LINGO2: variants seen among roughly 807,000 people sequenced by gnomAD.
LINGO2 encodes the protein leucine-rich repeat and immunoglobulin-like domain-containing nogo receptor-interacting protein 2.
LINGO2 carries 14 observed loss-of-function variants against 30.6 expected under a neutral mutation model. That is an observed-to-expected ratio of 0.46 (90% CI 0.30 to 0.72). The LOEUF is 0.72. Ranked by LOEUF, LINGO2 falls within the 30% of genes least tolerant of loss-of-function variation. LINGO2 has a pLI of 0.07. For missense variants in LINGO2, 729 were observed against 751.7 expected (o/e 0.97, Z 0.35); for synonymous variants, 317 against 288.5 (o/e 1.10, Z -1.00).
rs1004923572 is a variant in LINGO2, at chr9:28,129,993, T to C, written c.-86-117588A>G. ...TCCAGTAACTTCTATTTTAGTAGAC[T>C]TTTTTCCTCTAAAATTCAAGAAGCC... On this transcript the variant is annotated intron_variant, in intron 4 of 5. Coordinates refer to ENST00000379992, the Ensembl canonical transcript of LINGO2. The surrounding 1 kb of genome is among the most constrained non-coding windows in gnomAD (Gnocchi z 4.0). Among the ~76,000 whole-genome samples, 9 of 152,222 alleles carry C rather than the reference T, an allele frequency of 5.9e-5. No homozygotes were observed. The highest frequency in any genetic ancestry group is 2.2e-4 in the African/African-American group (9 of 41,460).
At chr9:28,512,636 T>TATATAC (rs1443255782) in intron 1 of LINGO2, among the ~76,000 whole-genome samples, 1 of 6,176 alleles carries the variant, frequency 1.6e-4, no homozygotes, top group Non-Finnish European at 4.5e-4. Context: ...TATATATATA[T>TATATAC]ACACACATAC....
chr9:29,022,087 T>G, the LINGO2 span, among the ~76,000 whole-genome samples: 1 of 152,202 alleles, frequency 6.6e-6, no homozygotes, highest in Non-Finnish European at 1.5e-5. Flanking sequence ...TTACTAATAA[T>G]TCTGCTACTG....
chr9:28,589,260 T>C (rs1205368276), intron 1 of LINGO2, among the ~76,000 whole-genome samples: 2 of 152,080 alleles, frequency 1.3e-5, no homozygotes, highest in Non-Finnish European at 2.9e-5. Context: ...ATGCCCTCTC[T>C]CACCACTCCT....
the LINGO2 span, among the ~76,000 whole-genome samples, chr9:28,960,212 A>G: frequency 1.3e-5 from 2 of 152,162 alleles, no homozygotes; most frequent in Admixed American, 1.3e-4. Context: ...TTCCCTCTCT[A>G]AGAAAAGATA....
At chr9:28,253,728 C>G (rs1373810428) in intron 4 of LINGO2, among the ~76,000 whole-genome samples, 1 of 152,124 alleles carries the variant, frequency 6.6e-6, no homozygotes, top group African/African-American at 2.4e-5. Flanking sequence ...CTGGGGCAAC[C>G]TAACTTCCCT....
At chr9:28,821,494 A>G in the LINGO2 span, among the ~76,000 whole-genome samples, 1 of 152,240 alleles carries the variant, frequency 6.6e-6, no homozygotes, top group Non-Finnish European at 1.5e-5. Flanking sequence ...ATTTGCAAAA[A>G]TGAGCAAGTG....
At chr9:29,034,103 A>C in the LINGO2 span, among the ~76,000 whole-genome samples, 12 of 152,056 alleles carry the variant, frequency 7.9e-5, no homozygotes. Context: ...GAAACATAAT[A>C]ATCATTACAT....
upstream of LINGO2, among the ~76,000 whole-genome samples, chr9:28,670,438 T>C (rs1236279320): frequency 6.6e-6 from 1 of 152,154 alleles, no homozygotes; most frequent in East Asian, 1.9e-4. Flanking sequence ...AAATGTGCAA[T>C]ATAGCAATGA....
At chr9:28,888,714 G>A in the LINGO2 span, among the ~76,000 whole-genome samples, 1 of 152,098 alleles carries the variant, frequency 6.6e-6, no homozygotes, top group Non-Finnish European at 1.5e-5. Context: ...TCCATGTTGA[G>A]TGGACAAGTT....
At chr9:28,995,722 G>C in the LINGO2 span, among the ~76,000 whole-genome samples, 1 of 152,088 alleles carries the variant, frequency 6.6e-6, no homozygotes. Context: ...CCTTTGTAGG[G>C]ACATGGATGA....
At chr9:28,473,941 C>G (rs767271432) in intron 2 of LINGO2, among the ~76,000 whole-genome samples, 1 of 152,008 alleles carries the variant, frequency 6.6e-6, no homozygotes, top group Non-Finnish European at 1.5e-5. Context: ...TGATAAAAAA[C>G]ATTCCATCAG....
intron 1 of LINGO2, among the ~76,000 whole-genome samples, chr9:28,500,275 C>T (rs1819831413): frequency 6.6e-6 from 1 of 152,100 alleles, no homozygotes. Flanking sequence ...CATATTTCAC[C>T]TTATTAGACA....
At chr9:28,818,518 G>C in the LINGO2 span, among the ~76,000 whole-genome samples, 1 of 152,040 alleles carries the variant, frequency 6.6e-6, no homozygotes, top group Non-Finnish European at 1.5e-5. Context: ...CCTGGCAGCT[G>C]GGAATTACAG....
chr9:28,595,494 A>G (rs1295764484), intron 1 of LINGO2, among the ~76,000 whole-genome samples: 1 of 152,096 alleles, frequency 6.6e-6, no homozygotes, highest in African/African-American at 2.4e-5. Context: ...AATTTTCAAA[A>G]TACAATTAAT....
chr9:28,788,377 T>C, the LINGO2 span, among the ~76,000 whole-genome samples: 1 of 152,212 alleles, frequency 6.6e-6, no homozygotes, highest in Admixed American at 6.5e-5. Context: ...GTTCTGATAT[T>C]GATAAAGACC....
chr9:28,776,447 T>A, the LINGO2 span, among the ~76,000 whole-genome samples: 1 of 152,202 alleles, frequency 6.6e-6, no homozygotes, highest in Non-Finnish European at 1.5e-5. Context: ...AAAAACTAAA[T>A]AATGAAAACT....
At chr9:28,420,157 A>G (rs1476403535) in intron 2 of LINGO2, among the ~76,000 whole-genome samples, 1 of 152,114 alleles carries the variant, frequency 6.6e-6, no homozygotes, top group Non-Finnish European at 1.5e-5. Context: ...AAAGAAAATT[A>G]TAGCTCCAAA....
At chr9:28,551,457 AGG>A (rs1204172348) in intron 1 of LINGO2, among the ~76,000 whole-genome samples, 3 of 151,986 alleles carry the variant, frequency 2.0e-5, no homozygotes, top group African/African-American at 7.2e-5. Context: ...AGTTTAATAG[AGG>A]TAGGGTTTTA....
intron 1 of LINGO2, among the ~76,000 whole-genome samples, chr9:28,504,387 T>C (rs1289930713): frequency 6.6e-6 from 1 of 151,814 alleles, no homozygotes; most frequent in Non-Finnish European, 1.5e-5. Flanking sequence ...TGTCATGGTA[T>C]ATAAACATAC....
Sources: gnomAD v4.1 joint callset for allele counts (sites outside exome capture counted in the v4.1 genomes callset) on GRCh38, gnomAD v4.1.1 for gene constraint, Gnocchi (gnomAD v3.1) non-coding constraint, MANE v1.5 for transcripts, NCBI Gene and HGNC (gene_info 2026-07-23, HGNC 2026-07-21) for gene names.